DNAI1: variants seen among roughly 807,000 people sequenced by gnomAD.
DNAI1 encodes the protein dynein, axonemal, intermediate polypeptide 1.
In DNAI1, 67 loss-of-function variants were observed where a neutral mutation model predicts 92.0. The observed-to-expected ratio is 0.73, with a 90% confidence interval of 0.60 to 0.89. The LOEUF (loss-of-function observed/expected upper bound fraction) is 0.89. Ranked by LOEUF, DNAI1 falls within the 40% of genes least tolerant of loss-of-function variation. The pLI, the probability that DNAI1 is intolerant of heterozygous loss-of-function variation, is 0.00. For missense variants in DNAI1, 839 were observed against 866.6 expected (o/e 0.97, Z 0.40); for synonymous variants, 323 against 319.6 (o/e 1.01, Z -0.11).
At chr9:34,480,057 G>A (rs1824319801) in intron 1 of DNAI1, among the ~76,000 whole-genome samples, 1 of 152,160 alleles carries the variant, frequency 6.6e-6, no homozygotes, top group Non-Finnish European at 1.5e-5. Context: ...CAGTGACAGA[G>A]CTGGAAGCAG....
At chr9:34,500,644 G>T (rs1038672007) in intron 10 of DNAI1, 78 bp from the exon 11 acceptor site, 1 of 935,292 alleles carries the variant, frequency 1.1e-6, no homozygotes, top group Non-Finnish European at 1.7e-6. Context: ...GCCCAAGGAG[G>T]TACAGACAGT....
At chr9:34,508,589 T>C (rs756495732) in intron 13 of DNAI1, among the ~76,000 whole-genome samples, 5 of 152,168 alleles carry the variant, frequency 3.3e-5, no homozygotes, top group Non-Finnish European at 5.9e-5. Context: ...CTGCCCCTGC[T>C]TTCCCAGCTC....
intron 5 of DNAI1, 40 bp from the exon 6 acceptor site, chr9:34,489,972 C>T (rs776566668): frequency 1.2e-6 from 2 of 1,609,590 alleles, no homozygotes; most frequent in Admixed American, 1.7e-5. Context: ...ATTGGGAGAG[C>T]AGGCTTAGAC....
At chr9:34,476,958 G>A (rs1219309055) in intron 1 of DNAI1, among the ~76,000 whole-genome samples, 1 of 152,216 alleles carries the variant, frequency 6.6e-6, no homozygotes, top group Non-Finnish European at 1.5e-5. Flanking sequence ...TAGATGCCAT[G>A]TTCAGGGGCT....
chr9:34,498,342 G>A (rs1239727181), intron 10 of DNAI1, among the ~76,000 whole-genome samples: 1 of 152,134 alleles, frequency 6.6e-6, no homozygotes, highest in Non-Finnish European at 1.5e-5. Flanking sequence ...AACTCAGGCT[G>A]GGATGTTGCC....
chr9:34,493,393 A>C (rs1350473661), intron 9 of DNAI1, 65 bp downstream of exon 9: 193 of 1,608,430 alleles, frequency 1.2e-4, no homozygotes, highest in Non-Finnish European at 1.6e-4. Flanking sequence ...CTCTGGGTAG[A>C]CAGAAGCCTG....
intron 10 of DNAI1, among the ~76,000 whole-genome samples, chr9:34,500,083 T>G (rs745750077): frequency 2.0e-5 from 3 of 151,872 alleles, no homozygotes; most frequent in Non-Finnish European, 4.4e-5. Flanking sequence ...AGAAGAAAAA[T>G]ATGAGAAATT....
rs1437841728 is a variant in DNAI1 at position 34,512,181 on chromosome 9, T to G, written c.1384T>G (p.Ser462Ala). Residue 462 changes from serine to alanine, a missense_variant, in exon 14 of 20, where the codon TCT (serine) becomes GCT (alanine). Physicochemically the swap from Ser to Ala is moderately conservative, Grantham distance 99. Transcript: ENST00000242317. ...TGTGTCATCTGACGGCAGGATTGTG[T>G]CTTGGACTCTCGTGAAGGTGCCTAT... Reference protein sequence around the residue: ...FSVSSDGRIVSWTLVKRKLVH... With the variant: ...FSVSSDGRIVAWTLVKRKLVH... The G allele has an allele frequency of 1.2e-6, 2 of 1,614,164 alleles. No individual in the cohort carries two copies. The highest frequency in any genetic ancestry group is 3.3e-5 in the Admixed American group (2 of 60,022).
chr9:34,514,469 A>G lies in DNAI1; in HGVS notation c.1645A>G (p.Asn549Asp), dbSNP rs1256150940. 6.2e-7 allele frequency: 1 copy of G among 1,614,204 alleles called. No individual in the cohort carries two copies. ...HNMSVDTVSW[N>D]PYHTKVFMSC... ...CATGTCAGTGGACACTGTGTCCTGGAACCCATACCACACCAAGGTCTTCAT... is the reference window on the plus strand; with the variant it reads ...CATGTCAGTGGACACTGTGTCCTGGGACCCATACCACACCAAGGTCTTCAT... Residue 549 changes from asparagine to aspartate, a missense_variant, in exon 17 of 20, where the codon AAC (asparagine) becomes GAC (aspartate). Transcript: ENST00000242317.
At chr9:34,485,368 A>G (rs1824449819) in intron 3 of DNAI1, 69 bp from the exon 4 acceptor site, 1 of 1,585,862 alleles carries the variant, frequency 6.3e-7, no homozygotes, top group African/African-American at 1.3e-5. Flanking sequence ...ACTCTGAGGG[A>G]TCCTTCTAAG....
intron 7 of DNAI1, among the ~76,000 whole-genome samples, chr9:34,490,920 C>T (rs1169825559): frequency 6.6e-6 from 1 of 152,190 alleles, no homozygotes; most frequent in Non-Finnish European, 1.5e-5. Flanking sequence ...CTGAGGGAGC[C>T]TCTCAGCGTT....
intron 1 of DNAI1, among the ~76,000 whole-genome samples, chr9:34,473,273 C>CTTA (rs5897573): frequency 0.051 from 7,422 of 146,032 alleles, 354 homozygotes; most frequent in African/African-American, 0.13. Context: ...CTAAATCAAG[C>CTTA]TTATTATTAT....
At position 34,473,417 on chromosome 9, in the gene DNAI1, C is replaced by T. The variant is rs999680929; in HGVS notation, c.49-10031C>T. On this transcript the variant is annotated intron_variant, in intron 1 of 19. Coordinates refer to ENST00000242317, the MANE Select transcript of DNAI1 (RefSeq NM_012144.4). ...AAGCAATTATCCTGCCTCAGCCTCC[C>T]GAGTGGCTGGGATTACAGGTACTTG... Among the ~76,000 whole-genome samples the T allele has an allele frequency of 2.6e-5, 4 of 152,020 alleles. No homozygotes were observed. The Middle Eastern group carries it at 0.01, about 390-fold the overall frequency.
At chr9:34,492,496 A>AGATATAGATATAAATATC (rs1564033875) in intron 8 of DNAI1, among the ~76,000 whole-genome samples, 1 of 22,980 alleles carries the variant, frequency 4.4e-5, no homozygotes, top group Non-Finnish European at 8.6e-5. Context: ...ATATGAAGAT[A>AGATATAGATATAAATATC]TATATATATA....
chr9:34,463,150 G>A lies in DNAI1; in HGVS notation c.48+4097G>A, dbSNP rs574821554. Reference sequence around the variant, plus strand: ...GAAATGAAAGAGCTATGCAATACCCGGGGGTAGGGTGTGGGGTGAAGGGAT... The same window carrying A: ...GAAATGAAAGAGCTATGCAATACCCAGGGGTAGGGTGTGGGGTGAAGGGAT... On this transcript the variant is annotated intron_variant, in intron 1 of 19. Transcript: ENST00000242317. Among the ~76,000 whole-genome samples, 7 of 152,022 alleles carry A rather than the reference G, an allele frequency of 4.6e-5. No homozygotes were observed. The South Asian group carries it at 6.2e-4, about 14-fold the overall frequency.
chr9:34,520,185 G>A (rs987768928), intron 19 of DNAI1, among the ~76,000 whole-genome samples: 3 of 152,142 alleles, frequency 2.0e-5, no homozygotes, highest in African/African-American at 4.8e-5. Context: ...TCAGGTGAGA[G>A]GACTAGGTGA....
At chr9:34,497,581 A>G (rs1219973062) in intron 10 of DNAI1, among the ~76,000 whole-genome samples, 9 of 152,202 alleles carry the variant, frequency 5.9e-5, no homozygotes, top group Admixed American at 5.9e-4. Context: ...AGAGGTCTCG[A>G]TCTTCCTCAT....
intron 1 of DNAI1, among the ~76,000 whole-genome samples, chr9:34,475,503 G>C (rs1160256649): frequency 6.6e-6 from 1 of 152,214 alleles, no homozygotes; most frequent in Non-Finnish European, 1.5e-5. Context: ...ACTGACAGCA[G>C]AGCAGGGTCT....
intron 13 of DNAI1, among the ~76,000 whole-genome samples, 161 bp downstream of exon 13, chr9:34,507,035 G>A (rs1824948892): frequency 6.6e-6 from 1 of 152,218 alleles, no homozygotes; most frequent in Non-Finnish European, 1.5e-5. Context: ...GGCAGAAGGT[G>A]AAAATCAGGA....
Sources: allele counts gnomAD v4.1 joint callset (sites outside exome capture counted in the v4.1 genomes callset), GRCh38; gene constraint gnomAD v4.1.1; transcripts MANE v1.5; gene names NCBI Gene and HGNC (gene_info 2026-07-23, HGNC 2026-07-21).